The following PKNOX2 variants were observed in gnomAD, a reference collection of about 807,000 sequenced individuals.
PKNOX2 encodes the protein PBX/knotted 1 homeobox 2.
In PKNOX2, 14 loss-of-function variants were observed where a neutral mutation model predicts 53.1. The observed-to-expected ratio is 0.26, with a 90% CI of 0.17 to 0.41. The LOEUF (loss-of-function observed/expected upper bound fraction) is 0.41. Ranked by LOEUF, PKNOX2 falls within the 10% of genes least tolerant of loss-of-function variation. The probability of loss-of-function intolerance (pLI) is 1.00; values close to 1 mark genes in which losing one functional copy is unlikely to be tolerated. For synonymous variants in PKNOX2, 257 were observed against 242.8 expected (o/e 1.06, Z -0.54); for missense variants, 496 against 602.8 (o/e 0.82, Z 1.85).
chr11:125,374,390 T>C lies in PKNOX2; in HGVS notation c.227+6405T>C, dbSNP rs1472449669. Reference sequence around the variant, plus strand: ...TTCTTCTGGTGGATAGTCCCTGCTTTTTGAAGCAGCTGGGTTCACTGGCAC... The same window carrying C: ...TTCTTCTGGTGGATAGTCCCTGCTTCTTGAAGCAGCTGGGTTCACTGGCAC... On this transcript the variant is annotated intron_variant, in intron 5 of 12. Coordinates refer to ENST00000298282, the MANE Select transcript of PKNOX2 (RefSeq NM_001382323.2). 2.6e-5 allele frequency among the ~76,000 whole-genome samples: 4 copies of C among 152,146 alleles called. No individual in the cohort carries two copies. In the East Asian group the frequency reaches 7.7e-4, roughly 29 times the overall value.
At chr11:125,193,963 C>G (rs911792210) in intron 1 of PKNOX2, among the ~76,000 whole-genome samples, 4 of 152,230 alleles carry the variant, frequency 2.6e-5, no homozygotes, top group Non-Finnish European at 5.9e-5. Flanking sequence ...AAGTGTGCTA[C>G]TGACTGCAAA....
intron 5 of PKNOX2, among the ~76,000 whole-genome samples, chr11:125,373,622 A>G (rs1035545616): frequency 4.6e-5 from 7 of 152,218 alleles, no homozygotes; most frequent in Non-Finnish European, 5.9e-5. Context: ...CTTGTGAGCC[A>G]GGAGGTAAAT....
intron 1 of PKNOX2, among the ~76,000 whole-genome samples, chr11:125,231,174 C>G (rs113753539): frequency 2.6e-5 from 4 of 152,196 alleles, no homozygotes; most frequent in Admixed American, 6.5e-5. Flanking sequence ...GCTGACCCCC[C>G]GGTCTGGTGC....
intron 3 of PKNOX2, among the ~76,000 whole-genome samples, chr11:125,345,991 G>A (rs1211316958): frequency 7.9e-5 from 12 of 152,168 alleles, no homozygotes; most frequent in Admixed American, 7.9e-4. Context: ...CGCGGCGTTG[G>A]GGCTGAGGGA....
intron 2 of PKNOX2, among the ~76,000 whole-genome samples, chr11:125,248,204 T>C (rs913059121): frequency 2.2e-4 from 34 of 152,220 alleles, no homozygotes; most frequent in Non-Finnish European, 7.3e-5. Context: ...TCTGGGTTTT[T>C]CTCTCATCCA....
At chr11:125,227,371 C>T (rs77467703) in intron 1 of PKNOX2, among the ~76,000 whole-genome samples, 1,633 of 152,306 alleles carry the variant, frequency 0.011, 38 homozygotes, top group East Asian at 0.074. Flanking sequence ...GCAACAACTC[C>T]CCAGTCCCTC....
chr11:125,216,304 A>T (rs34457642), intron 1 of PKNOX2, among the ~76,000 whole-genome samples: 21,635 of 152,084 alleles, frequency 0.14, 1,629 homozygotes, highest in Middle Eastern at 0.18. Flanking sequence ...TCTGCTCCTG[A>T]CAGGCCACGG....
chr11:125,270,959 C>T (rs1211030945), intron 2 of PKNOX2, among the ~76,000 whole-genome samples: 1 of 152,158 alleles, frequency 6.6e-6, no homozygotes, highest in African/African-American at 2.4e-5. Context: ...ATCTCAGAGG[C>T]TCTTGATTGG....
intron 2 of PKNOX2, among the ~76,000 whole-genome samples, chr11:125,295,422 G>A (rs1947591858): frequency 6.6e-6 from 1 of 152,252 alleles, no homozygotes; most frequent in Non-Finnish European, 1.5e-5. Flanking sequence ...ACACACGTGT[G>A]TGTGTGCATG....
At chr11:125,167,840 G>A (rs1427161344) in intron 1 of PKNOX2, among the ~76,000 whole-genome samples, 4 of 152,150 alleles carry the variant, frequency 2.6e-5, no homozygotes, top group Non-Finnish European at 1.5e-5. Context: ...GATCCCACAT[G>A]GCAGAGCTTG....
At position 125,422,579 on chromosome 11, in the gene PKNOX2, A is replaced by G. The variant is rs781472555; in HGVS notation, c.937-6433A>G. On this transcript the variant is annotated intron_variant, in intron 10 of 12. Transcript: ENST00000298282. This position sits in a 1 kb window ranked among gnomAD's most constrained non-coding sequence, Gnocchi z 4.1. ...AATTGGATTGATGCTTCTCCATCCAAGACTGAGCCTTGTCGACAACAGGCA... is the reference window on the plus strand; with the variant it reads ...AATTGGATTGATGCTTCTCCATCCAGGACTGAGCCTTGTCGACAACAGGCA... 6.6e-6 allele frequency among the ~76,000 whole-genome samples: 1 copy of G among 152,184 alleles called. No individual in the cohort carries two copies. The highest frequency in any genetic ancestry group is 2.4e-5 in the African/African-American group (1 of 41,438).
intron 1 of PKNOX2, chr11:125,188,262 T>A (rs1203134436): frequency 1.3e-5 from 2 of 152,204 alleles, no homozygotes; most frequent in Non-Finnish European, 2.9e-5. Context: ...ACTACACTCC[T>A]TTGTGGAGTG....
At chr11:125,205,010 G>T (rs1483517091) in intron 1 of PKNOX2, among the ~76,000 whole-genome samples, 1 of 152,168 alleles carries the variant, frequency 6.6e-6, no homozygotes. Flanking sequence ...GTTGACCCTT[G>T]GAAGGTAGGG....
At position 125,195,251 on chromosome 11, in the gene PKNOX2, G is replaced by T. The variant is rs533227240; in HGVS notation, c.-201+30475G>T. On this transcript the variant is annotated intron_variant, in intron 1 of 12. Coordinates refer to ENST00000298282, the MANE Select transcript of PKNOX2 (RefSeq NM_001382323.2). ...CTAGAAAGAAGCTGAGCCAGAATTT[G>T]AACCCAGGCTGGTCTGCTTCAAAGC... Among the ~76,000 whole-genome samples the T allele has an allele frequency of 7.2e-5, 11 of 152,320 alleles. No individual in the cohort carries two copies. In the South Asian group the frequency reaches 2.1e-3, roughly 29 times the overall value.
At chr11:125,420,962 C>T (rs61917824) in intron 10 of PKNOX2, among the ~76,000 whole-genome samples, 2 of 152,106 alleles carry the variant, frequency 1.3e-5, no homozygotes, top group East Asian at 1.9e-4. Context: ...GGACCCCTCC[C>T]GACTTGAACA....
At chr11:125,247,665 A>G (rs1392688262) in intron 2 of PKNOX2, among the ~76,000 whole-genome samples, 2 of 152,140 alleles carry the variant, frequency 1.3e-5, no homozygotes, top group African/African-American at 4.8e-5. Flanking sequence ...TCAGAGCAGC[A>G]GCCTCCCTCT....
chr11:125,383,374 C>T (rs1953384935), intron 5 of PKNOX2, among the ~76,000 whole-genome samples: 2 of 150,526 alleles, frequency 1.3e-5, no homozygotes, highest in African/African-American at 2.5e-5. Context: ...CTTTGGGAGG[C>T]CAAGGCAGGC....
intron 3 of PKNOX2, among the ~76,000 whole-genome samples, chr11:125,344,456 TGG>T (rs1334992610): frequency 1.3e-5 from 2 of 152,194 alleles, no homozygotes; most frequent in Admixed American, 6.5e-5. Flanking sequence ...TCACTCCATG[TGG>T]CATTTAAGGG....
chr11:125,252,562 G>A (rs1423734011), intron 2 of PKNOX2, among the ~76,000 whole-genome samples: 1 of 152,176 alleles, frequency 6.6e-6, no homozygotes, highest in East Asian at 1.9e-4. Flanking sequence ...AGAAATGGCA[G>A]GCTCAGAAGG....
Sources: allele counts gnomAD v4.1 joint callset (sites outside exome capture counted in the v4.1 genomes callset), GRCh38; gene constraint gnomAD v4.1.1; non-coding constraint Gnocchi (gnomAD v3.1); transcripts MANE v1.5; gene names NCBI Gene and HGNC (gene_info 2026-07-23, HGNC 2026-07-21).